The following MDH1 variants were observed in gnomAD, a reference collection of about 807,000 sequenced individuals.
MDH1 encodes the protein malate dehydrogenase 1.
MDH1 carries 15 observed loss-of-function variants against 38.7 expected under a neutral mutation model. That is an observed-to-expected ratio of 0.39 (90% CI 0.26 to 0.60). MDH1 has a LOEUF of 0.60. Ranked by LOEUF, MDH1 falls within the 20% of genes least tolerant of loss-of-function variation. The probability of loss-of-function intolerance (pLI) is 0.56; values close to 1 mark genes in which losing one functional copy is unlikely to be tolerated. For synonymous variants in MDH1, 144 were observed against 143.6 expected, an observed-to-expected ratio of 1.00 and a Z score of -0.02; for missense variants, 368 against 405.2, an observed-to-expected ratio of 0.91 and a Z score of 0.79.
intron 3 of MDH1, chr2:63,597,194 A>C: frequency 2.5e-6 from 2 of 812,720 alleles, no homozygotes; most frequent in Non-Finnish European, 3.0e-6. Flanking sequence ...TTGAAACAGG[A>C]AAAGCAAAAT....
chr2:63,603,046 G>A lies in MDH1; in HGVS notation c.499-1650G>A, dbSNP rs1035241649. On this transcript the variant is annotated intron_variant, in intron 5 of 8. Coordinates refer to ENST00000233114, the MANE Select transcript of MDH1 (RefSeq NM_005917.4). ...ACGATCTCGGCTCACTGCAACCTCC[G>A]CCTCCCAGGTTCAAGAGATTCTCCT... Among the ~76,000 whole-genome samples, 7 of 134,218 alleles carry A rather than the reference G, an allele frequency of 5.2e-5. No individual in the cohort carries two copies. The South Asian group carries it at 1.2e-3, about 23-fold the overall frequency. 88.1% of individuals were successfully genotyped at this position (134,218 alleles called of 152,430 possible).
intron 6 of MDH1, 101 bp from the exon 7 acceptor site, chr2:63,605,179 G>A (rs1709502834): frequency 2.6e-6 from 2 of 774,036 alleles, no homozygotes; most frequent in Non-Finnish European, 4.3e-6. Context: ...GAAACATTAA[G>A]CTCTGGTCAT....
At chr2:63,605,763 G>T (rs373124813) in intron 7 of MDH1, 176 bp from the exon 8 acceptor site, 13 of 627,262 alleles carry the variant, frequency 2.1e-5, no homozygotes, top group South Asian at 1.9e-4. Flanking sequence ...AGCGTGGAAT[G>T]AAATAATATC....
chr2:63,594,453 T>C, intron 1 of MDH1, 35 bp from the exon 2 acceptor site: 1 of 1,343,078 alleles, frequency 7.4e-7, no homozygotes, highest in Non-Finnish European at 1.1e-6. Flanking sequence ...GGTACAGTAG[T>C]ACTTAAAGAT....
chr2:63,598,629 G>T (rs1387668566), intron 4 of MDH1, among the ~76,000 whole-genome samples: 1 of 151,772 alleles, frequency 6.6e-6, no homozygotes, highest in African/African-American at 2.4e-5. Context: ...TGCATTTTTT[G>T]CTTTCTGTGC....
Position 63,606,932 on chromosome 2 carries a change from C to T in MDH1, c.950C>T (p.Ala317Val), listed in dbSNP as rs1709544231. The T allele has an allele frequency of 1.9e-6, 3 of 1,612,696 alleles. No individual in the cohort carries two copies. Among genetic ancestry groups the T allele is most frequent in the Non-Finnish European group, 2.5e-6 (3 of 1,179,182 alleles). The stretch of plus-strand genomic sequence containing the variant: ...TCACGTGAGAAGATGGATCTTACTG[C>T]AAAGGAACTGACAGAAGAAAAAGAA... ...DFSREKMDLT[A>V]KELTEEKESA... The change falls in exon 9 of 9, where the codon GCA (alanine) becomes GTA (valine). Residue 317 changes from alanine to valine, a missense_variant. Ala to Val is a moderately conservative substitution (Grantham distance 64). Transcript: ENST00000233114.
intron 1 of MDH1, among the ~76,000 whole-genome samples, chr2:63,591,837 G>A (rs1022126577): frequency 2.0e-5 from 3 of 152,156 alleles, no homozygotes; most frequent in East Asian, 1.9e-4. Context: ...TACTCACTAC[G>A]TACTGTTCTT....
chr2:63,594,469 T>C lies in MDH1; in HGVS notation c.4-19T>C. On this transcript the variant is annotated intron_variant, in intron 1 of 8. Coordinates refer to ENST00000233114, the MANE Select transcript of MDH1 (RefSeq NM_005917.4). ...GTACAGTAGTACTTAAAGATGTTAA[T>C]GGGTCTTTTTCATTACAGTCTGAAC... 1 of 1,559,658 alleles carries C rather than the reference T, an allele frequency of 6.4e-7. No individual in the cohort carries two copies. The highest frequency in any genetic ancestry group is 8.8e-7 in the Non-Finnish European group (1 of 1,130,998).
intron 4 of MDH1, 117 bp from the exon 5 acceptor site, chr2:63,599,053 T>A (rs1384471478): frequency 2.2e-6 from 2 of 908,514 alleles, no homozygotes; most frequent in African/African-American, 3.4e-5. Context: ...GTATTTGGTG[T>A]TTCCCAAGCC....
At position 63,605,265 on chromosome 2, in the gene MDH1, CT is replaced by C; in HGVS notation, c.676-14del. 1 of 1,564,016 alleles carries C rather than the reference CT, an allele frequency of 6.4e-7. No individual in the cohort carries two copies. The highest frequency in any genetic ancestry group is 8.8e-7 in the Non-Finnish European group (1 of 1,134,950). ...GACCAAGTAATACTGCTGCCTTCAC[CT>C]GCCCCCTTCCCAGACTGTGCAGCAG... On this transcript the variant is annotated splice_polypyrimidine_tract_variant and intron_variant, in intron 6 of 8. Transcript: ENST00000233114.
chr2:63,603,375 A>G (rs1348884644), intron 5 of MDH1, among the ~76,000 whole-genome samples: 2 of 152,182 alleles, frequency 1.3e-5, no homozygotes, highest in Non-Finnish European at 2.9e-5. Flanking sequence ...TAAATACTCA[A>G]ATGCTTTATT....
chr2:63,589,248 G>A, intron 1 of MDH1: 1 of 1,553,304 alleles, frequency 6.4e-7, no homozygotes. Context: ...GGGGTATGGG[G>A]CGCTCTTAGG....
chr2:63,605,021 G>C (rs923024594), intron 6 of MDH1, 149 bp downstream of exon 6: 1 of 768,312 alleles, frequency 1.3e-6, no homozygotes, highest in Non-Finnish European at 2.1e-6. Context: ...TCATGATCTA[G>C]TGTGATCTGA....
chr2:63,589,110 C>T (rs1709089859), intron 1 of MDH1, 64 bp downstream of exon 1: 1 of 1,614,138 alleles, frequency 6.2e-7, no homozygotes. Flanking sequence ...GGGTTTCTTG[C>T]ACTTTAGGGA....
At chr2:63,595,281 C>G (rs529902579) in intron 2 of MDH1, 142 bp from the exon 3 acceptor site, 2 of 688,498 alleles carry the variant, frequency 2.9e-6, no homozygotes, top group African/African-American at 3.5e-5. Context: ...GTGCTAGATA[C>G]CTGACCTCCT....
intron 3 of MDH1, 161 bp from the exon 4 acceptor site, chr2:63,597,238 A>G: frequency 2.1e-6 from 2 of 956,626 alleles, no homozygotes; most frequent in Non-Finnish European, 2.5e-6. Flanking sequence ...TATGATTGTT[A>G]AATTAATATA....
intron 7 of MDH1, 55 bp downstream of exon 7, chr2:63,605,448 A>T: frequency 8.1e-7 from 1 of 1,241,624 alleles, no homozygotes; most frequent in East Asian, 2.3e-5. Flanking sequence ...TTGCCTGATG[A>T]TATAATATAA....
Position 63,605,297 on chromosome 2 carries a change from C to G in MDH1, c.693C>G (p.Gly231=). The change falls in exon 7 of 9, where the codon GGC becomes GGG. Residue 231 remains glycine (G), a synonymous_variant. Transcript: ENST00000233114. Reference sequence around the variant, plus strand: ...CTTCCCAGACTGTGCAGCAGCGTGGCGCTGCTGTCATCAAGGCTCGAAAAC... The same window carrying G: ...CTTCCCAGACTGTGCAGCAGCGTGGGGCTGCTGTCATCAAGGCTCGAAAAC... ...GEFVTTVQQR[G]AAVIKARKLS... 1 of 1,613,418 alleles carries G rather than the reference C, an allele frequency of 6.2e-7. No individual in the cohort carries two copies. The highest frequency in any genetic ancestry group is 1.3e-5 in the African/African-American group (1 of 75,016).
In MDH1 at chr2:63,597,506, A is replaced by C. The variant is rs902946734; in HGVS notation, c.307A>C (p.Lys103Gln). 1 of 1,517,026 alleles carries C rather than the reference A, an allele frequency of 6.6e-7. No homozygotes were observed. Among genetic ancestry groups the C allele is most frequent in the African/African-American group, 1.4e-5 (1 of 71,224 alleles). The allele number at this position is 1,517,026 out of a possible 1,614,324, so 94.0% of individuals were successfully genotyped here. ...AGGCATGGAGAGAAAAGATTTACTG[A>C]AAGCAAATGTGAAAATCTTCAAATC... ...REGMERKDLL[K>Q]ANVKIFKSQG... Residue 103 changes from lysine (K) to glutamine (Q), a missense_variant, in exon 4 of 9, where the codon AAA becomes CAA. Transcript: ENST00000233114.
Sources: allele counts gnomAD v4.1 joint callset (sites outside exome capture counted in the v4.1 genomes callset), GRCh38; gene constraint gnomAD v4.1.1; transcripts MANE v1.5; gene names NCBI Gene and HGNC (gene_info 2026-07-23, HGNC 2026-07-21).